IQCH: variants seen among roughly 807,000 people sequenced by gnomAD.
IQCH encodes the protein IQ motif containing H.
Under a neutral mutation model 117.0 loss-of-function variants are expected in IQCH, and 98 were observed. The ratio of observed to expected loss-of-function variants is 0.84; its 90% CI spans 0.71 to 0.99. IQCH has a LOEUF of 0.99. Among genes scored for constraint, IQCH ranks in the 50% least tolerant of loss-of-function variants. IQCH has a pLI of 0.00. For synonymous variants in IQCH, 412 were observed against 448.2 expected (o/e 0.92, Z 1.02); for missense variants, 1,102 against 1,243.8 (o/e 0.89, Z 1.72).
intron 3 of IQCH, among the ~76,000 whole-genome samples, chr15:67,277,842 T>G (rs759759331): frequency 1.3e-5 from 2 of 152,172 alleles, no homozygotes; most frequent in Non-Finnish European, 2.9e-5. Context: ...CCAGTATCTT[T>G]GTTTTTATCA....
intron 4 of IQCH, among the ~76,000 whole-genome samples, chr15:67,292,736 C>CT (rs1966794594): frequency 6.6e-6 from 1 of 152,122 alleles, no homozygotes; most frequent in African/African-American, 2.4e-5. Context: ...TAACATGAAT[C>CT]TTCAAAAATG....
Position 67,471,077 on chromosome 15 carries a change from T to C in IQCH, c.2677-4619T>C, listed in dbSNP as rs2083060257. ...TACAGCAACATGTTATTTCATTGCA[T>C]GGATGTGCCATAATTTATGTACCCT... is the stretch of plus-strand genomic sequence containing the variant. On this transcript the variant is annotated intron_variant, in intron 17 of 20. Transcript: ENST00000335894. Among the ~76,000 whole-genome samples the C allele has an allele frequency of 2.0e-5, 3 of 152,210 alleles. 1 individual carries two copies. The South Asian group carries it at 6.2e-4, about 31-fold the overall frequency.
rs1259138369 is a variant in IQCH at position 67,299,584 on chromosome 15, CA to C, written c.387+20077del. Among the ~76,000 whole-genome samples the C allele has an allele frequency of 1.9e-3, 284 of 152,094 alleles. 1 individual carries two copies. Among genetic ancestry groups the C allele is most frequent in the Admixed American group, 5.2e-3 (80 of 15,276 alleles). ...AATATATATACCTACTAGGTATCCA[CA>C]AAAATTAAAAATAAAAAAATTTTAA... On this transcript the variant is annotated intron_variant, in intron 4 of 20. Transcript: ENST00000335894.
chr15:67,478,795 G>A (rs13379980), intron 18 of IQCH, among the ~76,000 whole-genome samples: 4,955 of 152,054 alleles, frequency 0.033, 115 homozygotes, highest in Non-Finnish European at 0.054. Flanking sequence ...GTGTTGGCAG[G>A]CGCCTGTAAT....
intron 4 of IQCH, among the ~76,000 whole-genome samples, chr15:67,294,086 G>A (rs1966839636): frequency 6.6e-6 from 1 of 152,140 alleles, no homozygotes; most frequent in African/African-American, 2.4e-5. Flanking sequence ...CCTGGGCTTT[G>A]ATGTAACCAT....
chr15:67,500,532 A>G lies in IQCH; in HGVS notation c.2971-101A>G. 1.9e-6 allele frequency: 1 copy of G among 537,834 alleles called. No individual in the cohort carries two copies. Among genetic ancestry groups the G allele is most frequent in the Non-Finnish European group, 3.3e-6 (1 of 300,876 alleles). The allele number at this position is 537,834 out of a possible 1,614,324, so 33.3% of individuals were successfully genotyped here. ...CCAGTTGGTAGAATACATTCTGAAT[A>G]GAACTGGTCTAAACCATGGTGAACT... On this transcript the variant is annotated intron_variant, in intron 20 of 20. Coordinates refer to ENST00000335894, the MANE Select transcript of IQCH (RefSeq NM_001031715.3). The surrounding 1 kb of genome is among the most constrained non-coding windows in gnomAD (Gnocchi z 4.4).
Position 67,493,751 on chromosome 15 carries a change from T to C in IQCH, c.2862-507T>C, listed in dbSNP as rs2083726970. 1.3e-5 allele frequency among the ~76,000 whole-genome samples: 2 copies of C among 152,212 alleles called. No homozygotes were observed. The highest frequency in any genetic ancestry group is 2.9e-5 in the Non-Finnish European group (2 of 68,036). Reference sequence around the variant, plus strand: ...GTATCCATGTGCCATGTTAGTGTCCTGCACCCATTAACTCGTCATTTACAT... The same window carrying C: ...GTATCCATGTGCCATGTTAGTGTCCCGCACCCATTAACTCGTCATTTACAT... On this transcript the variant is annotated intron_variant, in intron 19 of 20. Coordinates refer to ENST00000335894, the MANE Select transcript of IQCH (RefSeq NM_001031715.3). This position sits in a 1 kb window ranked among gnomAD's most constrained non-coding sequence, Gnocchi z 5.1.
chr15:67,396,665 C>T (rs1971481311), intron 13 of IQCH, among the ~76,000 whole-genome samples: 1 of 152,148 alleles, frequency 6.6e-6, no homozygotes, highest in South Asian at 2.1e-4. Flanking sequence ...CAAATTATCC[C>T]CCCTACCCAC....
rs1025514025 is a variant in IQCH, at chr15:67,472,162, C to A, written c.2677-3534C>A. On this transcript the variant is annotated intron_variant, in intron 17 of 20. Coordinates refer to ENST00000335894, the MANE Select transcript of IQCH (RefSeq NM_001031715.3). This position sits in a 1 kb window ranked among gnomAD's most constrained non-coding sequence, Gnocchi z 4.3. ...AATGAAAACACAGAACTTTATCCTG[C>A]CTTAAAGACTAGAACAGTCACTAAC... 5.3e-5 allele frequency among the ~76,000 whole-genome samples: 8 copies of A among 152,108 alleles called. No individual in the cohort carries two copies. Among genetic ancestry groups the A allele is most frequent in the Non-Finnish European group, 8.8e-5 (6 of 68,028 alleles).
At chr15:67,261,662 G>T (rs765807843) in intron 2 of IQCH, among the ~76,000 whole-genome samples, 1 of 152,212 alleles carries the variant, frequency 6.6e-6, no homozygotes, top group Non-Finnish European at 1.5e-5. Context: ...ATAACTTGGA[G>T]TATGAAAAAT....
chr15:67,411,286 G>A lies in IQCH; in HGVS notation c.2098-5645G>A, dbSNP rs2081444534. The stretch of plus-strand genomic sequence containing the variant: ...GCCGGTGGGGAGCACTTACCCAGGA[G>A]TCAGAGGCAGCCAGAGAGCACCTGC... On this transcript the variant is annotated intron_variant, in intron 14 of 20. Coordinates refer to ENST00000335894, the MANE Select transcript of IQCH (RefSeq NM_001031715.3). This position sits in a 1 kb window ranked among gnomAD's most constrained non-coding sequence, Gnocchi z 4.4. Among the ~76,000 whole-genome samples the A allele has an allele frequency of 6.6e-6, 1 of 152,102 alleles. No homozygotes were observed. The highest frequency in any genetic ancestry group is 1.5e-5 in the Non-Finnish European group (1 of 68,010).
intron 18 of IQCH, among the ~76,000 whole-genome samples, chr15:67,484,574 CAA>C (rs61010661): frequency 0.81 from 101,333 of 125,400 alleles, 40,786 homozygotes; most frequent in Middle Eastern, 0.89. Context: ...ACTAAAAATA[CAA>C]AAAAAAAAAA....
rs1289802075 is a variant in IQCH at position 67,465,202 on chromosome 15, G to A, written c.2581G>A (p.Gly861Ser). The part of the protein sequence containing the change: ...LTQLTLYLTN[G>S]HLDCSLSTLE... ...TCAACTCACCTTATACCTGACAAAC[G>A]GCCATCTGGATTGCAGTTTGAGCAC... is the stretch of plus-strand genomic sequence containing the variant. The change falls in exon 17 of 21, where the codon GGC becomes AGC. Residue 861 changes from glycine to serine, a missense_variant. Around this residue, in one of 2 missense-constraint regions of IQCH, gnomAD observed 650 missense variants for 794.3 expected, o/e 0.82. Coordinates refer to ENST00000335894, the MANE Select transcript of IQCH (RefSeq NM_001031715.3). This position sits in a 1 kb window ranked among gnomAD's most constrained non-coding sequence, Gnocchi z 5.9. 1.2e-5 allele frequency: 19 copies of A among 1,614,082 alleles called. No individual in the cohort carries two copies. The highest frequency in any genetic ancestry group is 1.5e-5 in the Non-Finnish European group (18 of 1,180,020).
rs555165730 is a variant in IQCH at position 67,371,360 on chromosome 15, A to G, written c.754-751A>G. 106 of 655,676 alleles carry G rather than the reference A, an allele frequency of 1.6e-4. No homozygotes were observed. In the African/African-American group the frequency reaches 1.8e-3, roughly 11 times the overall value. The allele number at this position is 655,676 out of a possible 1,614,324, so 40.6% of individuals were successfully genotyped here. ...ACCAATTATAAATAAAAGTATTTTCATAGCTTAAAATGTCAATACAGGTGG... is the reference window on the plus strand; with the variant it reads ...ACCAATTATAAATAAAAGTATTTTCGTAGCTTAAAATGTCAATACAGGTGG... On this transcript the variant is annotated intron_variant, in intron 8 of 20. Coordinates refer to ENST00000335894, the MANE Select transcript of IQCH (RefSeq NM_001031715.3).
chr15:67,373,288 G>T (rs1034441555), intron 9 of IQCH, 79 bp from the exon 10 acceptor site: 16 of 893,626 alleles, frequency 1.8e-5, no homozygotes, highest in Non-Finnish European at 2.8e-5. Context: ...TAACTGTACA[G>T]TGGAAAAACA....
intron 18 of IQCH, among the ~76,000 whole-genome samples, chr15:67,480,061 T>C (rs532419579): frequency 1.3e-5 from 2 of 152,332 alleles, no homozygotes; most frequent in South Asian, 4.1e-4. Flanking sequence ...AAAGGCGTCA[T>C]GTTTACTGCC....
rs1229972756 is a variant in IQCH, at chr15:67,408,988, A to G, written c.2098-7943A>G. On this transcript the variant is annotated intron_variant, in intron 14 of 20. Transcript: ENST00000335894. This position sits in a 1 kb window ranked among gnomAD's most constrained non-coding sequence, Gnocchi z 4.2. ...ATTTTCCAATGTTAAAAACGTTTCT[A>G]AAACACCAGTCACTTGCTGCTGTAA... Among the ~76,000 whole-genome samples, 1 of 152,234 alleles carries G rather than the reference A, an allele frequency of 6.6e-6. No individual in the cohort carries two copies. The highest frequency in any genetic ancestry group is 1.5e-5 in the Non-Finnish European group (1 of 68,046).
chr15:67,328,437 A>C (rs1463438777), intron 4 of IQCH, among the ~76,000 whole-genome samples: 1 of 152,194 alleles, frequency 6.6e-6, no homozygotes, highest in Admixed American at 6.5e-5. Context: ...CCTTCAGAAT[A>C]GTATACAAAT....
At position 67,378,225 on chromosome 15, in the gene IQCH, A is replaced by G. The variant is rs1970804526; in HGVS notation, c.1372+4792A>G. On this transcript the variant is annotated intron_variant, in intron 10 of 20. Coordinates refer to ENST00000335894, the MANE Select transcript of IQCH (RefSeq NM_001031715.3). The stretch of plus-strand genomic sequence containing the variant: ...GTTAGATCTGCAATCACTTTTTACT[A>G]TGCCTCCACGCACACTGGCACCTTT... 2.6e-5 allele frequency among the ~76,000 whole-genome samples: 4 copies of G among 151,922 alleles called. No homozygotes were observed. In the South Asian group the frequency reaches 8.3e-4, roughly 32 times the overall value.
Sources: allele counts gnomAD v4.1 joint callset (sites outside exome capture counted in the v4.1 genomes callset), GRCh38; gene constraint gnomAD v4.1.1; regional missense constraint gnomAD v4.1.1; non-coding constraint Gnocchi (gnomAD v3.1); transcripts MANE v1.5; gene names NCBI Gene and HGNC (gene_info 2026-07-23, HGNC 2026-07-21).